Variants in NEK11 observed in about 807,000 individuals in gnomAD.
NEK11 encodes NIMA related kinase 11.
A neutral mutation model predicts 80.7 loss-of-function variants in NEK11; 72 were observed. The ratio of observed to expected loss-of-function variants is 0.89; its 90% CI spans 0.74 to 1.08. The LOEUF is 1.08. NEK11 is among the 50% of genes least tolerant of loss of function. The probability of loss-of-function intolerance (pLI) is 0.00; values close to 1 mark genes in which losing one functional copy is unlikely to be tolerated. For missense variants in NEK11, 764 were observed against 763.6 expected, an observed-to-expected ratio of 1.00 and a Z score of -0.01; for synonymous variants, 251 against 260.7, an observed-to-expected ratio of 0.96 and a Z score of 0.36.
intron 17 of NEK11, among the ~76,000 whole-genome samples, chr3:131,290,287 C>G (rs916072275): frequency 1.3e-5 from 2 of 152,164 alleles, no homozygotes; most frequent in Non-Finnish European, 1.5e-5. Context: ...AATGTGTGCA[C>G]CTTCACCAGT....
intron 10 of NEK11, among the ~76,000 whole-genome samples, chr3:131,158,947 T>G (rs545314797): frequency 6.6e-6 from 1 of 152,274 alleles, no homozygotes; most frequent in Non-Finnish European, 1.5e-5. Context: ...GTTGACGACC[T>G]TGAGGAGCCA....
Position 131,168,875 on chromosome 3 carries a change from G to C in NEK11, c.1222G>C (p.Glu408Gln), listed in dbSNP as rs761306341. 6.2e-7 allele frequency: 1 copy of C among 1,614,060 alleles called. No individual in the cohort carries two copies. Among genetic ancestry groups the C allele is most frequent in the Non-Finnish European group, 8.5e-7 (1 of 1,179,970 alleles). ...AATGGAAGAAAAGGAGGAGCAACCT[G>C]AGGGAAGACTTTCTTGTTCACCCCA... is the stretch of plus-strand genomic sequence containing the variant. ...KGMEEKEEQPEGRLSCSPQDE... is the reference protein window; with the variant it reads ...KGMEEKEEQPQGRLSCSPQDE... The change falls in exon 13 of 18, where the codon GAG (glutamate) becomes CAG (glutamine). Residue 408 changes from glutamate (E) to glutamine (Q), a missense_variant. Physicochemically the swap from Glu to Gln is conservative, Grantham distance 29. Transcript: ENST00000383366.
chr3:131,166,980 C>G (rs2092294840), intron 12 of NEK11, among the ~76,000 whole-genome samples: 1 of 152,192 alleles, frequency 6.6e-6, no homozygotes, highest in Non-Finnish European at 1.5e-5. Context: ...CACATTCCCA[C>G]AAATCCTGAC....
intron 3 of NEK11, among the ~76,000 whole-genome samples, chr3:131,071,145 T>G (rs2073209302): frequency 6.6e-6 from 1 of 152,174 alleles, no homozygotes; most frequent in Non-Finnish European, 1.5e-5. Flanking sequence ...ATCTGCCATT[T>G]TTTTGTCTAT....
intron 17 of NEK11, among the ~76,000 whole-genome samples, chr3:131,336,533 A>G (rs1239298737): frequency 6.6e-6 from 1 of 152,216 alleles, no homozygotes; most frequent in African/African-American, 2.4e-5. Flanking sequence ...AAACCTAGGT[A>G]TTACCATTCA....
At chr3:131,214,815 TA>T (rs1389236688) in intron 14 of NEK11, among the ~76,000 whole-genome samples, 1 of 152,044 alleles carries the variant, frequency 6.6e-6, no homozygotes, top group East Asian at 1.9e-4. Flanking sequence ...GTCCTATATA[TA>T]AAAAACAGTA....
intron 17 of NEK11, among the ~76,000 whole-genome samples, chr3:131,317,572 G>A (rs1485252413): frequency 2.0e-5 from 3 of 151,742 alleles, no homozygotes; most frequent in African/African-American, 4.8e-5. Flanking sequence ...CAGATGAGGA[G>A]CCGCAGTATC....
At chr3:131,155,187 A>C in intron 10 of NEK11, 66 bp downstream of exon 10, 1 of 1,057,046 alleles carries the variant, frequency 9.5e-7, no homozygotes, top group East Asian at 2.4e-5. Flanking sequence ...TGTCTTTAAA[A>C]ATCTATTAGC....
intron 5 of NEK11, among the ~76,000 whole-genome samples, chr3:131,121,888 G>T (rs921558470): frequency 1.3e-5 from 2 of 152,218 alleles, no homozygotes; most frequent in African/African-American, 4.8e-5. Flanking sequence ...ATCTGTCACG[G>T]CTTCCCTTGA....
Position 131,119,929 on chromosome 3 carries a change from T to C in NEK11, c.455+10008T>C, listed in dbSNP as rs537664574. On this transcript the variant is annotated intron_variant, in intron 5 of 17. Coordinates refer to ENST00000383366, the MANE Select transcript of NEK11 (RefSeq NM_024800.5). ...CACACCGATGGGTCTTGACTCTTTA[T>C]CCAATTTGCCAGTCTGTGTCTTTTA... Among the ~76,000 whole-genome samples the C allele has an allele frequency of 2.0e-5, 3 of 152,350 alleles. No individual in the cohort carries two copies. The East Asian group carries it at 5.8e-4, about 29-fold the overall frequency.
chr3:131,156,183 T>C (rs1434605211), intron 10 of NEK11, among the ~76,000 whole-genome samples: 1 of 152,188 alleles, frequency 6.6e-6, no homozygotes, highest in Admixed American at 6.5e-5. Flanking sequence ...CTTCAGATGG[T>C]CACTGCTATT....
chr3:131,092,220 A>G (rs1005809272), intron 4 of NEK11, among the ~76,000 whole-genome samples: 1 of 152,204 alleles, frequency 6.6e-6, no homozygotes, highest in Admixed American at 6.5e-5. Flanking sequence ...GCATCAGGCT[A>G]GTTGAATGAT....
intron 5 of NEK11, among the ~76,000 whole-genome samples, chr3:131,117,817 T>G (rs1361227412): frequency 2.6e-5 from 4 of 152,234 alleles, no homozygotes; most frequent in Admixed American, 2.6e-4. Context: ...TTTTGCACAT[T>G]GATTTTGTAT....
In NEK11 at chr3:131,170,888, G is replaced by C. The variant is rs148813749; in HGVS notation, c.1399+1G>C. ...GCCACATCTGACCTTGGATACCATGGTATGTGTTTGCATTGATTTTCAGAA... is the reference window on the plus strand; with the variant it reads ...GCCACATCTGACCTTGGATACCATGCTATGTGTTTGCATTGATTTTCAGAA... On this transcript the variant is annotated splice_donor_variant, in intron 14 of 17. Transcript: ENST00000383366. LOFTEE classifies it high-confidence loss of function. 42 of 1,603,106 alleles carry C rather than the reference G, an allele frequency of 2.6e-5. No homozygotes were observed. In the African/African-American group the frequency reaches 5.2e-4, roughly 20 times the overall value.
intron 4 of NEK11, among the ~76,000 whole-genome samples, chr3:131,082,715 A>G (rs1215181901): frequency 6.6e-6 from 1 of 152,244 alleles, no homozygotes; most frequent in Non-Finnish European, 1.5e-5. Context: ...TATAATTTTA[A>G]TGTAATTTTA....
intron 17 of NEK11, chr3:131,329,823 T>G (rs1294508941): frequency 1.2e-4 from 18 of 152,578 alleles, no homozygotes; most frequent in Admixed American, 1.2e-3. Flanking sequence ...AAGGAGCCAG[T>G]GCAGCCGGAA....
intron 17 of NEK11, chr3:131,325,452 G>A (rs901212030): frequency 1.6e-4 from 24 of 152,096 alleles, no homozygotes; most frequent in African/African-American, 5.8e-4. Flanking sequence ...CGGGTGGGAA[G>A]GGAGTATGAT....
chr3:131,179,711 A>G (rs940813305), intron 14 of NEK11, among the ~76,000 whole-genome samples: 9 of 152,176 alleles, frequency 5.9e-5, no homozygotes, highest in Admixed American at 4.6e-4. Context: ...TTAGACATAT[A>G]CCATATTTCA....
intron 16 of NEK11, among the ~76,000 whole-genome samples, chr3:131,248,593 C>T (rs560127230): frequency 6.6e-6 from 1 of 151,938 alleles, no homozygotes; most frequent in African/African-American, 2.4e-5. Context: ...ATTGCATGGT[C>T]CCCCCGTGGA....
Sources: allele counts gnomAD v4.1 joint callset (sites outside exome capture counted in the v4.1 genomes callset), GRCh38; gene constraint gnomAD v4.1.1; transcripts MANE v1.5; gene names NCBI Gene and HGNC (gene_info 2026-07-23, HGNC 2026-07-21).